Variants in COL4A5 observed in about 807,000 individuals in gnomAD.
COL4A5 encodes collagen type IV alpha 5 chain.
COL4A5 carries 26 observed loss-of-function variants against 130.2 expected under a neutral mutation model. The ratio of observed to expected loss-of-function variants is 0.20; its 90% CI spans 0.15 to 0.28. COL4A5 has a LOEUF of 0.28. COL4A5 is among the 10% of genes least tolerant of loss of function. The probability of loss-of-function intolerance (pLI) is 1.00; values close to 1 mark genes in which losing one functional copy is unlikely to be tolerated. For synonymous variants in COL4A5, 496 were observed against 439.6 expected (o/e 1.13, Z -1.60); for missense variants, 1,131 against 1,344.3 (o/e 0.84, Z 2.48).
intron 1 of COL4A5, among the ~76,000 whole-genome samples, chrX:108,500,574 A>T (rs2065071424): frequency 8.9e-6 from 1 of 111,969 alleles, no homozygotes; most frequent in Non-Finnish European, 1.9e-5. Context: ...GATAGAATAA[A>T]GTAAAAATTT....
chrX:108,684,377 A>G (rs1053927733), intron 47 of COL4A5, among the ~76,000 whole-genome samples: 5 of 111,608 alleles, frequency 4.5e-5, no homozygotes, highest in Non-Finnish European at 9.4e-5. Context: ...ATAAAGAAAA[A>G]AAGAGAGACT....
chrX:108,439,922 G>A lies in COL4A5; in HGVS notation c.-204G>A, dbSNP rs948806702. ...TCCTGAGAGACCGGCTTTGGGGAGG[G>A]GAGGGGGGAAGGAAGAGTAGCTCCT... is the stretch of plus-strand genomic sequence containing the variant. On this transcript the variant is annotated 5_prime_UTR_variant, in exon 1 of 53. Coordinates refer to ENST00000328300, the MANE Select transcript of COL4A5 (RefSeq NM_033380.3). 2.3e-6 allele frequency: 1 copy of A among 434,353 alleles called. No individual in the cohort carries two copies. Among genetic ancestry groups the A allele is most frequent in the Non-Finnish European group, 4.0e-6 (1 of 249,708 alleles). The allele number at this position is 434,353 out of a possible 1,213,427, so 35.8% of individuals were successfully genotyped here.
At chrX:108,480,022 A>G (rs2064873485) in intron 1 of COL4A5, among the ~76,000 whole-genome samples, 1 of 111,627 alleles carries the variant, frequency 9.0e-6, no homozygotes, top group African/African-American at 3.3e-5. Flanking sequence ...CTCAAGCACA[A>G]TTGGATCTGC....
intron 47 of COL4A5, among the ~76,000 whole-genome samples, chrX:108,683,272 C>A (rs987111243): frequency 2.3e-4 from 26 of 111,636 alleles, no homozygotes; most frequent in African/African-American, 7.8e-4. Context: ...GGTACCAGTA[C>A]CATGCTGTTT....
chrX:108,459,746 C>T (rs1286290728), intron 1 of COL4A5, among the ~76,000 whole-genome samples: 1 of 111,850 alleles, frequency 8.9e-6, no homozygotes, highest in African/African-American at 3.2e-5. Context: ...AAAGTAAAAT[C>T]TTTATGATTA....
intron 1 of COL4A5, among the ~76,000 whole-genome samples, chrX:108,498,203 G>A (rs2065050218): frequency 9.0e-6 from 1 of 111,394 alleles, no homozygotes; most frequent in Admixed American, 9.6e-5. Flanking sequence ...TGACGTTTCT[G>A]TTTTAAAATA....
At chrX:108,592,322 A>AT (rs1382203421) in intron 21 of COL4A5, among the ~76,000 whole-genome samples, 1 of 110,251 alleles carries the variant, frequency 9.1e-6, no homozygotes, top group African/African-American at 3.3e-5. Context: ...TTCCCCAAGG[A>AT]TTTTTTTTCC....
At chrX:108,461,338 G>A (rs1469077077) in intron 1 of COL4A5, among the ~76,000 whole-genome samples, 1 of 111,211 alleles carries the variant, frequency 9.0e-6, no homozygotes, top group Admixed American at 9.6e-5. Flanking sequence ...GATGGTTAAT[G>A]TTATAATTTG....
chrX:108,514,055 G>A (rs1436349518), intron 1 of COL4A5, among the ~76,000 whole-genome samples: 1 of 111,459 alleles, frequency 9.0e-6, no homozygotes, highest in Admixed American at 9.5e-5. Flanking sequence ...TGAAAATCAA[G>A]TACACTATCT....
intron 1 of COL4A5, among the ~76,000 whole-genome samples, chrX:108,506,291 T>C (rs765470995): frequency 2.7e-5 from 3 of 111,562 alleles, no homozygotes; most frequent in Non-Finnish European, 5.7e-5. Flanking sequence ...AAGATACTTA[T>C]TGTTACTTCT....
intron 1 of COL4A5, among the ~76,000 whole-genome samples, chrX:108,515,911 G>GC (rs1231970132): frequency 9.0e-6 from 1 of 111,043 alleles, no homozygotes; most frequent in African/African-American, 3.3e-5. Flanking sequence ...CAGAACTGTA[G>GC]CATTCCTTGT....
chrX:108,589,066 A>G (rs1384510950), intron 19 of COL4A5, among the ~76,000 whole-genome samples: 1 of 111,789 alleles, frequency 8.9e-6, no homozygotes, highest in Non-Finnish European at 1.9e-5. Context: ...TTAAGTCTAA[A>G]TCAGTACTGG....
At chrX:108,545,923 A>C (rs2065643107) in intron 2 of COL4A5, among the ~76,000 whole-genome samples, 1 of 111,151 alleles carries the variant, frequency 9.0e-6, no homozygotes, top group Non-Finnish European at 1.9e-5. Context: ...AGAGACTAGG[A>C]TTGCAACCCC....
At chrX:108,485,709 C>T (rs924652443) in intron 1 of COL4A5, among the ~76,000 whole-genome samples, 1 of 109,963 alleles carries the variant, frequency 9.1e-6, no homozygotes. Flanking sequence ...CTTTACTCTT[C>T]CCTCTCGTCT....
At chrX:108,655,700 G>T (rs1474361523) in intron 37 of COL4A5, among the ~76,000 whole-genome samples, 1 of 112,708 alleles carries the variant, frequency 8.9e-6, no homozygotes, top group Non-Finnish European at 1.9e-5. Context: ...GTTTGGTGGA[G>T]CATTTTTCAA....
chrX:108,519,353 T>C (rs144514619), intron 1 of COL4A5, among the ~76,000 whole-genome samples: 1,286 of 111,584 alleles, frequency 0.012, 21 homozygotes, highest in African/African-American at 0.039. Context: ...CATAGTATTA[T>C]ATTGTTTACA....
intron 25 of COL4A5, 85 bp downstream of exon 25, chrX:108,598,955 A>T: frequency 6.1e-6 from 6 of 982,930 alleles, no homozygotes; most frequent in Non-Finnish European, 8.6e-6. Flanking sequence ...TCCTTTCCCG[A>T]GAGGTGTGTT....
intron 47 of COL4A5, among the ~76,000 whole-genome samples, chrX:108,682,687 C>T (rs189020738): frequency 0.095 from 10,640 of 111,417 alleles, 1,151 homozygotes; most frequent in African/African-American, 0.32. Context: ...TCATAAATGT[C>T]TTTTTTTGAG....
intron 43 of COL4A5, among the ~76,000 whole-genome samples, chrX:108,675,616 A>G (rs1472223840): frequency 9.0e-6 from 1 of 111,325 alleles, no homozygotes. Flanking sequence ...TAGGGTGACT[A>G]TATGAGTTAA....
Sources: gnomAD v4.1 joint callset for allele counts (sites outside exome capture counted in the v4.1 genomes callset) on GRCh38, gnomAD v4.1.1 for gene constraint, MANE v1.5 for transcripts, NCBI Gene and HGNC (gene_info 2026-07-23, HGNC 2026-07-21) for gene names.